Variants in TBC1D8 observed in about 807,000 individuals in gnomAD.
TBC1D8 encodes the protein TBC1 domain family member 8, also known as BUB2-like protein 1.
A neutral mutation model predicts 118.8 loss-of-function variants in TBC1D8; 65 were observed. That is an observed-to-expected ratio of 0.55 (90% CI 0.45 to 0.67). TBC1D8 has a LOEUF of 0.67. Among genes scored for constraint, TBC1D8 ranks in the 30% least tolerant of loss-of-function variants. The probability of loss-of-function intolerance (pLI) is 0.00; values close to 1 mark genes in which losing one functional copy is unlikely to be tolerated. For synonymous variants in TBC1D8, 566 were observed against 595.8 expected, an observed-to-expected ratio of 0.95 and a Z score of 0.73; for missense variants, 1,376 against 1,471.2, an observed-to-expected ratio of 0.94 and a Z score of 1.06.
At chr2:101,085,698 CAAGG>C (rs1675566633) in intron 2 of TBC1D8, among the ~76,000 whole-genome samples, 1 of 152,152 alleles carries the variant, frequency 6.6e-6, no homozygotes, top group South Asian at 2.1e-4. Context: ...ATGGAACACT[CAAGG>C]AAGAAAAGAA....
intron 2 of TBC1D8, among the ~76,000 whole-genome samples, chr2:101,065,199 G>A (rs1011152903): frequency 6.6e-6 from 1 of 152,186 alleles, no homozygotes; most frequent in Non-Finnish European, 1.5e-5. Flanking sequence ...ACTGAATTAA[G>A]TGCCTTCTCC....
At chr2:101,136,911 T>C (rs1573102630) in intron 1 of TBC1D8, among the ~76,000 whole-genome samples, 1 of 152,122 alleles carries the variant, frequency 6.6e-6, no homozygotes, top group East Asian at 1.9e-4. Flanking sequence ...AATACCTACA[T>C]CTCCATCTGA....
At chr2:101,071,563 T>C (rs1256313019) in intron 2 of TBC1D8, among the ~76,000 whole-genome samples, 4 of 152,196 alleles carry the variant, frequency 2.6e-5, no homozygotes, top group Admixed American at 2.6e-4. Flanking sequence ...TATTTGATAA[T>C]AGAACTTAAG....
At position 101,028,030 on chromosome 2, in the gene TBC1D8, G is replaced by A. The variant is rs1170761417; in HGVS notation, c.2451+18C>T. ...TCCCCAATACCGTGATCACCGGGGT[G>A]AGGCGTCTGCTACCCACCACGTTCT... is the stretch of plus-strand genomic sequence containing the variant. On this transcript the variant is annotated intron_variant, in intron 14 of 19. Transcript: ENST00000409318. The A allele has an allele frequency of 2.5e-6, 4 of 1,612,668 alleles. No homozygotes were observed. Among genetic ancestry groups the A allele is most frequent in the Non-Finnish European group, 2.5e-6 (3 of 1,178,792 alleles).
chr2:101,120,800 A>G (rs564172002), intron 1 of TBC1D8, among the ~76,000 whole-genome samples: 1 of 152,324 alleles, frequency 6.6e-6, no homozygotes, highest in East Asian at 1.9e-4. Flanking sequence ...GCTGGCTCAC[A>G]ACCACGGGCT....
chr2:101,150,263 T>C (rs942745790), intron 1 of TBC1D8, among the ~76,000 whole-genome samples: 2 of 152,196 alleles, frequency 1.3e-5, no homozygotes, highest in Admixed American at 6.5e-5. Flanking sequence ...CTCTGGCCTC[T>C]GTCTTCTCCT....
rs755124519 is a variant in TBC1D8, at chr2:101,028,397, C to T, written c.2258G>A (p.Gly753Glu). 3.5e-5 allele frequency: 56 copies of T among 1,602,394 alleles called. No individual in the cohort carries two copies. Among genetic ancestry groups the T allele is most frequent in the Non-Finnish European group, 4.7e-5 (55 of 1,174,732 alleles). The change falls in exon 13 of 20, where the codon GGG becomes GAG. Residue 753 changes from glycine to glutamate, a missense_variant. Physicochemically the swap from Gly to Glu is moderately conservative, Grantham distance 98. Transcript: ENST00000409318. ...GGCATGGTGGCTGCCAACTGGGGGC[C>T]CTGGGCTGTCCTCATTCTTAATGTG... ...LDHIKNEDSP[G>E]PPVGSHHAFF...
chr2:101,071,143 T>C (rs1467925090), intron 2 of TBC1D8, among the ~76,000 whole-genome samples: 31 of 151,986 alleles, frequency 2.0e-4, no homozygotes. Context: ...ATGGAGACCA[T>C]CCTGGCTAAT....
chr2:101,149,205 G>A (rs1385577110), intron 1 of TBC1D8, among the ~76,000 whole-genome samples: 1 of 152,134 alleles, frequency 6.6e-6, no homozygotes, highest in Non-Finnish European at 1.5e-5. Flanking sequence ...AGTCCAAACC[G>A]AAGTAAATAT....
At chr2:101,044,533 T>C (rs1223750586) in intron 5 of TBC1D8, among the ~76,000 whole-genome samples, 1 of 152,158 alleles carries the variant, frequency 6.6e-6, no homozygotes, top group Non-Finnish European at 1.5e-5. Context: ...GTGCCTTCAC[T>C]TTTCCTCCGT....
intron 1 of TBC1D8, among the ~76,000 whole-genome samples, chr2:101,110,627 G>C (rs1461574825): frequency 6.6e-6 from 1 of 152,126 alleles, no homozygotes; most frequent in African/African-American, 2.4e-5. Flanking sequence ...TCATGCTAGG[G>C]CTGTTTGCTT....
chr2:101,067,925 A>G (rs1683103314), intron 2 of TBC1D8, among the ~76,000 whole-genome samples: 1 of 152,224 alleles, frequency 6.6e-6, no homozygotes, highest in African/African-American at 2.4e-5. Context: ...CATTTCAACA[A>G]TGTGTGAAGC....
chr2:101,122,931 A>G (rs888321497), intron 1 of TBC1D8, among the ~76,000 whole-genome samples: 3 of 151,932 alleles, frequency 2.0e-5, no homozygotes, highest in African/African-American at 7.2e-5. Context: ...TGTTGGAGAA[A>G]AACATCAGGC....
chr2:101,121,098 C>G (rs1294289604), intron 1 of TBC1D8, among the ~76,000 whole-genome samples: 1 of 152,284 alleles, frequency 6.6e-6, no homozygotes, highest in South Asian at 2.1e-4. Context: ...GCAAACCTCC[C>G]TCTTTTCTAA....
chr2:101,093,698 G>C (rs1179730561), intron 1 of TBC1D8, among the ~76,000 whole-genome samples: 1 of 151,504 alleles, frequency 6.6e-6, no homozygotes, highest in Non-Finnish European at 1.5e-5. Context: ...CTGGGCAACA[G>C]AGCAAGACTC....
chr2:101,043,511 TTTCCCC>T (rs1447588701), intron 5 of TBC1D8, among the ~76,000 whole-genome samples: 1 of 152,224 alleles, frequency 6.6e-6, no homozygotes, highest in Non-Finnish European at 1.5e-5. Flanking sequence ...TGGGCATCTC[TTTCCCC>T]TTAGGACATG....
chr2:101,149,493 A>G (rs375897239), intron 1 of TBC1D8, among the ~76,000 whole-genome samples: 18 of 152,284 alleles, frequency 1.2e-4, no homozygotes, highest in African/African-American at 4.1e-4. Flanking sequence ...CGAGCAGAGT[A>G]TCCTACATAT....
intron 4 of TBC1D8, 108 bp from the exon 5 acceptor site, chr2:101,050,749 C>T (rs913407182): frequency 2.1e-6 from 3 of 1,395,422 alleles, no homozygotes; most frequent in Middle Eastern, 4.0e-4. Context: ...TGTGTAAATG[C>T]CTTTTTAAAA....
At chr2:101,058,175 C>T (rs1421812963) in intron 3 of TBC1D8, among the ~76,000 whole-genome samples, 1 of 152,144 alleles carries the variant, frequency 6.6e-6, no homozygotes, top group Non-Finnish European at 1.5e-5. Flanking sequence ...CCCACCAACG[C>T]CTAGCCCACC....
Sources: allele counts gnomAD v4.1 joint callset (sites outside exome capture counted in the v4.1 genomes callset), GRCh38; gene constraint gnomAD v4.1.1; transcripts MANE v1.5; gene names NCBI Gene and HGNC (gene_info 2026-07-23, HGNC 2026-07-21).